Variants in KANSL3 observed in about 807,000 individuals in gnomAD.
The protein encoded by KANSL3 is NSL complex protein NSL3.
KANSL3 carries 16 observed loss-of-function variants against 89.2 expected under a neutral mutation model. The ratio of observed to expected loss-of-function variants is 0.18; its 90% confidence interval spans 0.12 to 0.27. The LOEUF (loss-of-function observed/expected upper bound fraction) is 0.27, where lower values mean the gene tolerates loss of function less well. Among genes scored for constraint, KANSL3 ranks in the 10% least tolerant of loss-of-function variants. The probability of loss-of-function intolerance (pLI) is 1.00; values close to 1 mark genes in which losing one functional copy is unlikely to be tolerated. For synonymous variants in KANSL3, 385 were observed against 419.7 expected (o/e 0.92, Z 1.01); for missense variants, 879 against 1,110.6 (o/e 0.79, Z 2.96).
Position 96,593,593 on chromosome 2 carries a change from T to C in KANSL3, c.*2018A>G, listed in dbSNP as rs970276315. The C allele has an allele frequency of 9.7e-6, 3 of 310,858 alleles. No homozygotes were observed. The highest frequency in any genetic ancestry group is 1.9e-5 in the Non-Finnish European group (3 of 155,900). 19.3% of individuals were successfully genotyped at this position (310,858 alleles called of 1,614,324 possible). ...CAGCTCCCCTTCTTCAGTTGTGGAG[T>C]TCTTCAAGGTGGACAGATCACACCT... On this transcript the variant is annotated 3_prime_UTR_variant, in exon 21 of 21. Transcript: ENST00000431828.
chr2:96,627,210 G>A (rs2072496250), intron 3 of KANSL3, among the ~76,000 whole-genome samples: 2 of 151,718 alleles, frequency 1.3e-5, no homozygotes, highest in South Asian at 4.2e-4. Flanking sequence ...GGGAAGGGAG[G>A]AACATGCTTC....
chr2:96,598,542 A>AG (rs2066773692), intron 20 of KANSL3, among the ~76,000 whole-genome samples: 1 of 152,208 alleles, frequency 6.6e-6, no homozygotes, highest in South Asian at 2.1e-4. Context: ...ACACTGAAAA[A>AG]GCCACTGCAT....
chr2:96,585,812 C>T, the KANSL3 span, among the ~76,000 whole-genome samples: 1 of 152,112 alleles, frequency 6.6e-6, no homozygotes, highest in East Asian at 1.9e-4. Context: ...GGCATTTGCA[C>T]CAACCTGGAT....
At chr2:96,612,398 T>C (rs748186925) in intron 8 of KANSL3, 45 bp from the exon 9 acceptor site, 12 of 1,604,392 alleles carry the variant, frequency 7.5e-6, no homozygotes, top group South Asian at 1.1e-5. Context: ...AGGCCAAAGA[T>C]AGGTGCAGAA....
chr2:96,637,683 A>C (rs990020989), intron 1 of KANSL3, among the ~76,000 whole-genome samples: 1 of 152,244 alleles, frequency 6.6e-6, no homozygotes, highest in African/African-American at 2.4e-5. Flanking sequence ...AGCGAATCCC[A>C]GCTAGGGCTC....
chr2:96,633,856 C>G (rs1049449328), intron 2 of KANSL3, among the ~76,000 whole-genome samples: 5 of 152,226 alleles, frequency 3.3e-5, no homozygotes, highest in African/African-American at 4.8e-5. Context: ...CAGAGCAAGA[C>G]TCCGTCTCAA....
At position 96,609,012 on chromosome 2, in the gene KANSL3, A is replaced by G; in HGVS notation, c.1436T>C (p.Met479Thr). 1 of 1,566,000 alleles carries G rather than the reference A, an allele frequency of 6.4e-7. No individual in the cohort carries two copies. Among genetic ancestry groups the G allele is most frequent in the Middle Eastern group, 1.7e-4 (1 of 6,004 alleles). The change falls in exon 13 of 21, where the codon ATG becomes ACG. Residue 479 changes from methionine to threonine, a missense_variant. This residue lies in a region of KANSL3 where 317 missense variants were observed against 311.2 expected (regional missense o/e 1.02). Coordinates refer to ENST00000431828, the MANE Select transcript of KANSL3 (RefSeq NM_001115016.3). ...TGVLTRAEGH[M>T]GSEPRDQDAE... The stretch of plus-strand genomic sequence containing the variant: ...ATCCTGATCCCGAGGTTCAGAGCCC[A>G]TGTGACCCTCAGCACGAGTGAGCAC...
chr2:96,603,129 G>A (rs1573318314), intron 17 of KANSL3, among the ~76,000 whole-genome samples: 1 of 152,150 alleles, frequency 6.6e-6, no homozygotes, highest in East Asian at 1.9e-4. Flanking sequence ...ACCATTTTGA[G>A]AAATCCAAGT....
chr2:96,615,936 C>T (rs559542332), intron 5 of KANSL3, among the ~76,000 whole-genome samples: 1 of 152,284 alleles, frequency 6.6e-6, no homozygotes, highest in East Asian at 1.9e-4. Flanking sequence ...TGCTATGATT[C>T]AAACCACCCA....
downstream of KANSL3, among the ~76,000 whole-genome samples, chr2:96,591,851 C>CACCACTT (rs775419408): frequency 6.6e-6 from 1 of 152,014 alleles, no homozygotes; most frequent in African/African-American, 2.4e-5. Context: ...CTTGAGGTCA[C>CACCACTT]GAGGCAAGTA....
chr2:96,629,297 T>A (rs577473024), intron 3 of KANSL3, among the ~76,000 whole-genome samples: 2 of 152,326 alleles, frequency 1.3e-5, no homozygotes, highest in South Asian at 2.1e-4. Context: ...GTAGCAGTTT[T>A]CTTCTTTATC....
intron 14 of KANSL3, among the ~76,000 whole-genome samples, chr2:96,607,910 T>C (rs2068253519): frequency 6.6e-6 from 1 of 152,080 alleles, no homozygotes; most frequent in African/African-American, 2.4e-5. Flanking sequence ...TGGATCAATG[T>C]GGGGGAAGGG....
rs2066380219 is a variant in KANSL3, at chr2:96,594,109, C to T, written c.*1502G>A. On this transcript the variant is annotated 3_prime_UTR_variant, in exon 21 of 21. Transcript: ENST00000431828. ...GAGACTCCTAGACACTATGAGCTCC[C>T]TTCTGGCTGCCACTCAGACTGGCCA... 6.6e-6 allele frequency: 1 copy of T among 152,324 alleles called. No homozygotes were observed. The highest frequency in any genetic ancestry group is 1.5e-5 in the Non-Finnish European group (1 of 68,156). 9.4% of individuals were successfully genotyped at this position (152,324 alleles called of 1,614,324 possible). A position where few individuals can be genotyped will look rare whatever the true frequency, so the allele number is the denominator to read the frequency against.
At chr2:96,612,412 C>T in intron 8 of KANSL3, 50 bp downstream of exon 8, 2 of 1,603,164 alleles carry the variant, frequency 1.2e-6, no homozygotes, top group Non-Finnish European at 1.7e-6. Flanking sequence ...TGCAGAACAA[C>T]CCCAGAATGC....
At chr2:96,595,851 C>A (rs1046180125) in intron 20 of KANSL3, among the ~76,000 whole-genome samples, 1 of 152,182 alleles carries the variant, frequency 6.6e-6, no homozygotes, top group South Asian at 2.1e-4. Context: ...CTTTTTAAGG[C>A]AAGTGCCTAT....
At position 96,595,450 on chromosome 2, in the gene KANSL3, C is replaced by T; in HGVS notation, c.*161G>A. The T allele has an allele frequency of 1.6e-6, 1 of 642,784 alleles. No homozygotes were observed. Among genetic ancestry groups the T allele is most frequent in the Non-Finnish European group, 2.7e-6 (1 of 374,194 alleles). The allele number at this position is 642,784 out of a possible 1,614,324, so 39.8% of individuals were successfully genotyped here. A position where few individuals can be genotyped will look rare whatever the true frequency, so the allele number is the denominator to read the frequency against. ...CCCTTGCTGGCACCGTATCACCTAA[C>T]CTAATGGTTTCTCTGAAGACAGTTG... On this transcript the variant is annotated 3_prime_UTR_variant, in exon 21 of 21. Transcript: ENST00000431828.
At chr2:96,611,015 C>T (rs757516145) in intron 10 of KANSL3, 49 bp downstream of exon 10, 4 of 1,589,612 alleles carry the variant, frequency 2.5e-6, no homozygotes, top group South Asian at 2.2e-5. Context: ...CATGCACACT[C>T]GCGCTCCCAC....
chr2:96,604,921 AG>A (rs1455278370), intron 15 of KANSL3, 58 bp from the exon 16 acceptor site: 193 of 1,389,340 alleles, frequency 1.4e-4, no homozygotes, highest in Non-Finnish European at 1.8e-4. Flanking sequence ...CTATGTTTCC[AG>A]GTTCCACAGC....
chr2:96,591,794 G>C (rs777632960), downstream of KANSL3, among the ~76,000 whole-genome samples: 37 of 152,206 alleles, frequency 2.4e-4, no homozygotes, highest in South Asian at 1.0e-3. Flanking sequence ...CAGCTAAAAA[G>C]TCCTGTGACA....
Sources: gnomAD v4.1 joint callset for allele counts (sites outside exome capture counted in the v4.1 genomes callset) on GRCh38, gnomAD v4.1.1 for gene constraint, gnomAD v4.1.1 regional missense constraint, MANE v1.5 for transcripts, NCBI Gene and HGNC (gene_info 2026-07-23, HGNC 2026-07-21) for gene names.